The following NPAS3 variants were observed in gnomAD, a reference collection of about 807,000 sequenced individuals.
The protein encoded by NPAS3 is neuronal PAS domain protein 3.
A neutral mutation model predicts 73.1 loss-of-function variants in NPAS3; 14 were observed. The ratio of observed to expected loss-of-function variants is 0.19; its 90% CI spans 0.13 to 0.30. NPAS3 has a LOEUF of 0.30. Among genes scored for constraint, NPAS3 ranks in the 10% least tolerant of loss-of-function variants. NPAS3 has a pLI of 1.00. For missense variants in NPAS3, 1,096 were observed against 1,250.0 expected, an observed-to-expected ratio of 0.88 and a Z score of 1.86; for synonymous variants, 620 against 541.5, an observed-to-expected ratio of 1.14 and a Z score of -2.01.
chr14:33,079,837 C>T (rs1045932101), intron 2 of NPAS3, among the ~76,000 whole-genome samples: 1 of 151,648 alleles, frequency 6.6e-6, no homozygotes, highest in African/African-American at 2.4e-5. Context: ...GTCTCAAATT[C>T]CTGACCTCCA....
Position 33,325,412 on chromosome 14 carries a change from G to A in NPAS3, c.386-41774G>A, listed in dbSNP as rs1027679496. 3.9e-5 allele frequency among the ~76,000 whole-genome samples: 6 copies of A among 152,186 alleles called. No homozygotes were observed. The East Asian group carries it at 9.7e-4, about 25-fold the overall frequency. The stretch of plus-strand genomic sequence containing the variant: ...ATCCCAATCAATACTTTGGGAGACC[G>A]AGGTGGGTGGATCACTTGAAGTCAG... On this transcript the variant is annotated intron_variant, in intron 3 of 11. Transcript: ENST00000356141.
chr14:33,596,527 G>T (rs1255897886), intron 5 of NPAS3, among the ~76,000 whole-genome samples: 1 of 152,214 alleles, frequency 6.6e-6, no homozygotes. Flanking sequence ...TAACCTCAAG[G>T]TGCTGGTTTG....
chr14:33,100,493 C>T (rs1290829383), intron 2 of NPAS3, among the ~76,000 whole-genome samples: 3 of 152,094 alleles, frequency 2.0e-5, no homozygotes, highest in African/African-American at 2.4e-5. Flanking sequence ...CCTACTTAGA[C>T]ATTTGTAGCT....
intron 1 of NPAS3, among the ~76,000 whole-genome samples, chr14:32,980,529 G>A (rs993535677): frequency 6.6e-6 from 1 of 152,086 alleles, no homozygotes; most frequent in African/African-American, 2.4e-5. Context: ...TTTTTGTAAT[G>A]AGCTGTAAAT....
chr14:33,368,036 T>G (rs1027367807), intron 4 of NPAS3, among the ~76,000 whole-genome samples: 3 of 152,158 alleles, frequency 2.0e-5, no homozygotes, highest in Non-Finnish European at 4.4e-5. Context: ...GCCACTTTTT[T>G]TAATCTGTGG....
chr14:33,157,558 G>T (rs2044692318), intron 2 of NPAS3, among the ~76,000 whole-genome samples: 1 of 152,070 alleles, frequency 6.6e-6, no homozygotes, highest in Non-Finnish European at 1.5e-5. Flanking sequence ...TATAAATACA[G>T]AATTCATTAT....
intron 2 of NPAS3, among the ~76,000 whole-genome samples, chr14:33,105,636 G>T (rs1005202857): frequency 1.3e-5 from 2 of 152,120 alleles, no homozygotes; most frequent in African/African-American, 4.8e-5. Flanking sequence ...TAAATATGCA[G>T]ATGTGTTACA....
chr14:33,730,348 G>T (rs2061369567), intron 6 of NPAS3, among the ~76,000 whole-genome samples: 1 of 152,142 alleles, frequency 6.6e-6, no homozygotes, highest in African/African-American at 2.4e-5. Flanking sequence ...ATGACTCAAA[G>T]AATAAATAAT....
At chr14:33,668,987 CACTCATCTCA>C (rs2059535463) in intron 5 of NPAS3, among the ~76,000 whole-genome samples, 1 of 152,182 alleles carries the variant, frequency 6.6e-6, no homozygotes, top group African/African-American at 2.4e-5. Flanking sequence ...CTATGCATAA[CACTCATCTCA>C]ACATGTATCC....
chr14:33,539,529 A>G (rs1210371827), intron 4 of NPAS3, among the ~76,000 whole-genome samples: 2 of 152,084 alleles, frequency 1.3e-5, no homozygotes, highest in Non-Finnish European at 2.9e-5. Context: ...CTTGGGATCC[A>G]CTGACGAAAG....
At position 33,643,410 on chromosome 14, in the gene NPAS3, G is replaced by C. The variant is rs570697530; in HGVS notation, c.559-32801G>C. On this transcript the variant is annotated intron_variant, in intron 5 of 11. Transcript: ENST00000356141. ...AAAAAAAAAAAAAACGAGAGAGATG[G>C]AGCAAGAGGGCAAGAGACTGTGTAA... Among the ~76,000 whole-genome samples, 3 of 146,128 alleles carry C rather than the reference G, an allele frequency of 2.1e-5. No individual in the cohort carries two copies. In the South Asian group the frequency reaches 6.9e-4, roughly 33 times the overall value.
At chr14:33,629,493 G>A (rs1025438653) in intron 5 of NPAS3, among the ~76,000 whole-genome samples, 2 of 151,978 alleles carry the variant, frequency 1.3e-5, no homozygotes, top group African/African-American at 2.4e-5. Context: ...GTGTGTGTAT[G>A]AACTTGAAAA....
chr14:33,799,958 G>A (rs2063637536), exon 12 of NPAS3: 2 of 1,613,898 alleles, frequency 1.2e-6, no homozygotes, highest in Admixed American at 1.7e-5. Flanking sequence ...CGGTGCTCTG[G>A]GCGCGATGCA....
intron 5 of NPAS3, among the ~76,000 whole-genome samples, chr14:33,620,315 G>A (rs1467701461): frequency 1.3e-5 from 2 of 152,088 alleles, no homozygotes; most frequent in Non-Finnish European, 2.9e-5. Flanking sequence ...TCTGTTCCAA[G>A]TTCCTTACAT....
At chr14:33,422,099 G>T (rs2048380727) in intron 4 of NPAS3, among the ~76,000 whole-genome samples, 1 of 151,934 alleles carries the variant, frequency 6.6e-6, no homozygotes, top group Non-Finnish European at 1.5e-5. Flanking sequence ...TGTCCTTAGT[G>T]AATTAAAGTT....
At chr14:33,559,839 T>C (rs1298288835) in intron 4 of NPAS3, among the ~76,000 whole-genome samples, 1 of 151,982 alleles carries the variant, frequency 6.6e-6, no homozygotes, top group Non-Finnish European at 1.5e-5. Context: ...GCCAACATGC[T>C]GAAACCCTGT....
chr14:33,294,191 C>T (rs2042207073), intron 3 of NPAS3, among the ~76,000 whole-genome samples: 1 of 152,174 alleles, frequency 6.6e-6, no homozygotes, highest in Non-Finnish European at 1.5e-5. Flanking sequence ...ACCTTGAAGC[C>T]ATGGTCTTCC....
intron 4 of NPAS3, among the ~76,000 whole-genome samples, chr14:33,384,938 G>A (rs2046714406): frequency 6.6e-6 from 1 of 152,144 alleles, no homozygotes; most frequent in Admixed American, 6.5e-5. Context: ...GGATTGAGAT[G>A]GAGAAGGCTG....
chr14:33,750,910 G>T (rs1018240253), intron 7 of NPAS3, among the ~76,000 whole-genome samples: 3 of 152,140 alleles, frequency 2.0e-5, no homozygotes, highest in African/African-American at 7.2e-5. Context: ...AAAAGGAGAG[G>T]ATCTCAAAGA....
Sources: gnomAD v4.1 joint callset for allele counts (sites outside exome capture counted in the v4.1 genomes callset) on GRCh38, gnomAD v4.1.1 for gene constraint, MANE v1.5 for transcripts, NCBI Gene and HGNC (gene_info 2026-07-23, HGNC 2026-07-21) for gene names.